Variants in RBFOX1 observed in about 807,000 individuals in gnomAD.
RBFOX1 encodes RNA binding fox-1 homolog 1.
Under a neutral mutation model 57.7 loss-of-function variants are expected in RBFOX1, and 8 were observed. That is an observed-to-expected ratio of 0.14 (90% CI 0.08 to 0.25). The LOEUF is 0.25. RBFOX1 is among the 10% of genes least tolerant of loss of function. The pLI is 1.00. For synonymous variants in RBFOX1, 326 were observed against 222.4 expected (o/e 1.47, Z -4.15); for missense variants, 611 against 548.5 (o/e 1.11, Z -1.14).
chr16:6,046,545 A>G (rs2095497480), intron 1 of RBFOX1, among the ~76,000 whole-genome samples: 1 of 152,278 alleles, frequency 6.6e-6, no homozygotes, highest in African/African-American at 2.4e-5. Context: ...CTATTCCTAT[A>G]TTCATATTAA....
At chr16:5,719,917 T>C (rs540546866) in intron 3 of RBFOX1, among the ~76,000 whole-genome samples, 1 of 152,290 alleles carries the variant, frequency 6.6e-6, no homozygotes, top group African/African-American at 2.4e-5. Flanking sequence ...CGAAAGTATA[T>C]TTAGAAGTTC....
intron 1 of RBFOX1, among the ~76,000 whole-genome samples, chr16:6,139,281 C>T (rs1397765880): frequency 1.3e-5 from 2 of 152,078 alleles, no homozygotes; most frequent in African/African-American, 2.4e-5. Context: ...CTGAGTGATA[C>T]GATCGTTTCA....
chr16:6,301,787 C>T (rs916221724), intron 1 of RBFOX1, among the ~76,000 whole-genome samples: 2 of 152,130 alleles, frequency 1.3e-5, no homozygotes. Context: ...GGACCCAAAA[C>T]ATGAGGCTTT....
chr16:6,776,413 A>G (rs751207167), intron 3 of RBFOX1, among the ~76,000 whole-genome samples: 1 of 126,654 alleles, frequency 7.9e-6, no homozygotes, highest in Non-Finnish European at 1.7e-5. Flanking sequence ...TCCACCTCGG[A>G]AAAAAACAAA....
chr16:6,518,358 C>T (rs1267071918), intron 2 of RBFOX1, among the ~76,000 whole-genome samples: 1 of 152,126 alleles, frequency 6.6e-6, no homozygotes, highest in Non-Finnish European at 1.5e-5. Context: ...AGATTCATGG[C>T]TCAAGGCTTT....
At chr16:5,586,062 G>A (rs1055399075) in intron 2 of RBFOX1, among the ~76,000 whole-genome samples, 1 of 152,270 alleles carries the variant, frequency 6.6e-6, no homozygotes, top group African/African-American at 2.4e-5. Flanking sequence ...ACACAGTGCC[G>A]TGCAGAGAAG....
intron 3 of RBFOX1, among the ~76,000 whole-genome samples, chr16:5,855,618 A>G (rs2057005079): frequency 6.6e-6 from 1 of 152,114 alleles, no homozygotes; most frequent in East Asian, 1.9e-4. Flanking sequence ...TGTTTTGGTT[A>G]CTGTTCCTTT....
At chr16:7,318,816 C>T (rs1028385919) in intron 4 of RBFOX1, among the ~76,000 whole-genome samples, 3 of 152,126 alleles carry the variant, frequency 2.0e-5, no homozygotes, top group African/African-American at 7.2e-5. Flanking sequence ...CTGCGTAGAA[C>T]AGGTGTGTGG....
chr16:6,948,856 G>C (rs577300171), intron 3 of RBFOX1, among the ~76,000 whole-genome samples: 2 of 152,070 alleles, frequency 1.3e-5, no homozygotes, highest in Non-Finnish European at 2.9e-5. Context: ...TCTTCTGTCC[G>C]TCTATAAACC....
chr16:6,987,666 C>T (rs893162283), intron 3 of RBFOX1, among the ~76,000 whole-genome samples: 3 of 152,208 alleles, frequency 2.0e-5, no homozygotes, highest in Non-Finnish European at 4.4e-5. Flanking sequence ...CACTGACCTG[C>T]AGTTCACAAT....
chr16:7,474,344 G>GA (rs2062183644), intron 4 of RBFOX1, among the ~76,000 whole-genome samples: 1 of 152,136 alleles, frequency 6.6e-6, no homozygotes, highest in African/African-American at 2.4e-5. Flanking sequence ...CAGCTGTTAT[G>GA]CTGCTGAGTA....
Position 6,004,788 on chromosome 16 carries a change from T to G in RBFOX1, c.351+137453T>G, listed in dbSNP as rs2152332545. ...TGGTGAACCTCGGAGTACTTTTTAT[T>G]GACATGCAGTGTAAATCATTCCATC... On this transcript the variant is annotated intron_variant, in intron 4 of 19. Coordinates refer to the RBFOX1 transcript ENST00000641259. 1.3e-5 allele frequency among the ~76,000 whole-genome samples: 2 copies of G among 152,306 alleles called. 1 individual carries two copies. Among genetic ancestry groups the G allele is most frequent in the South Asian group, 4.1e-4 (2 of 4,824 alleles).
intron 3 of RBFOX1, among the ~76,000 whole-genome samples, chr16:5,791,515 A>G (rs2054696625): frequency 6.6e-6 from 1 of 152,038 alleles, no homozygotes. Flanking sequence ...CTCTGTTCTC[A>G]CTGCCTGGCA....
intron 3 of RBFOX1, among the ~76,000 whole-genome samples, chr16:6,787,509 A>G (rs954445892): frequency 1.3e-5 from 2 of 152,192 alleles, no homozygotes; most frequent in African/African-American, 4.8e-5. Context: ...GTGTGACTGT[A>G]TGCTGGGCAA....
chr16:7,660,164 A>G (rs1385165296), intron 12 of RBFOX1, among the ~76,000 whole-genome samples: 4 of 152,126 alleles, frequency 2.6e-5, no homozygotes, highest in African/African-American at 9.7e-5. Context: ...AAAGTAAACT[A>G]ATTTTCTGTA....
intron 4 of RBFOX1, among the ~76,000 whole-genome samples, chr16:7,312,264 C>G (rs1327866312): frequency 6.6e-6 from 1 of 152,124 alleles, no homozygotes; most frequent in African/African-American, 2.4e-5. Context: ...CTTGTAATCC[C>G]AGCTACTTAG....
intron 3 of RBFOX1, among the ~76,000 whole-genome samples, chr16:6,702,901 AC>A (rs2062076257): frequency 2.0e-5 from 3 of 152,162 alleles, no homozygotes; most frequent in African/African-American, 7.2e-5. Context: ...GAAACTTTGT[AC>A]CTATGAGACA....
chr16:6,869,877 A>G lies in RBFOX1; in HGVS notation c.-15-182180A>G, dbSNP rs372919455. ...ATGAAGGGGAATCTGTTCAGAACGT[A>G]TATGTCTCCCCGCAGTAAAAGCAAT... On this transcript the variant is annotated intron_variant, in intron 3 of 15. Transcript: ENST00000550418. 3.9e-5 allele frequency among the ~76,000 whole-genome samples: 6 copies of G among 152,290 alleles called. No homozygotes were observed. The East Asian group carries it at 9.7e-4, about 25-fold the overall frequency.
chr16:7,095,865 T>C (rs759026359), intron 4 of RBFOX1, among the ~76,000 whole-genome samples: 1 of 151,834 alleles, frequency 6.6e-6, no homozygotes, highest in Non-Finnish European at 1.5e-5. Flanking sequence ...ACAAAAAAAT[T>C]AGCCAGGCGT....
Sources: gnomAD v4.1 joint callset for allele counts (sites outside exome capture counted in the v4.1 genomes callset) on GRCh38, gnomAD v4.1.1 for gene constraint, MANE v1.5 for transcripts, NCBI Gene and HGNC (gene_info 2026-07-23, HGNC 2026-07-21) for gene names.